CNTNAP5: variants seen among roughly 807,000 people sequenced by gnomAD.
The protein encoded by CNTNAP5 is contactin-associated protein-like 5.
In CNTNAP5, 72 loss-of-function variants were observed where a neutral mutation model predicts 150.2. The observed-to-expected ratio is 0.48, with a 90% CI of 0.40 to 0.58. CNTNAP5 has a LOEUF of 0.58. CNTNAP5 is among the 20% of genes least tolerant of loss of function. The pLI is 0.00. For missense variants in CNTNAP5, 1,636 were observed against 1,626.2 expected (o/e 1.01, Z -0.10); for synonymous variants, 672 against 619.8 (o/e 1.08, Z -1.25).
In CNTNAP5 at chr2:124,739,304, G is replaced by A. The variant is rs183707763; in HGVS notation, c.2078-7925G>A. Among the ~76,000 whole-genome samples, 1,251 of 152,242 alleles carry A rather than the reference G, an allele frequency of 8.2e-3. 12 individuals are homozygous for A. Among genetic ancestry groups the A allele is most frequent in the South Asian group, 0.02 (98 of 4,828 alleles). Reference sequence around the variant, plus strand: ...GATCTTGACCAGCAAGCAGGAAGACGAAGATTGACTTTGATGAGTGCCTGC... The same window carrying A: ...GATCTTGACCAGCAAGCAGGAAGACAAAGATTGACTTTGATGAGTGCCTGC... On this transcript the variant is annotated intron_variant, in intron 13 of 23. Coordinates refer to ENST00000682447, the MANE Select transcript of CNTNAP5 (RefSeq NM_001367498.1).
At chr2:124,879,960 G>T (rs777605921) in intron 21 of CNTNAP5, among the ~76,000 whole-genome samples, 1 of 152,104 alleles carries the variant, frequency 6.6e-6, no homozygotes, top group African/African-American at 2.4e-5. Context: ...CACTGTATTG[G>T]CCAGAAGCTG....
chr2:124,826,681 A>G (rs891960063), intron 19 of CNTNAP5, among the ~76,000 whole-genome samples: 9 of 152,080 alleles, frequency 5.9e-5, no homozygotes, highest in African/African-American at 1.7e-4. Context: ...ACTGGAAGCT[A>G]TGGGGTAGGG....
At chr2:124,261,717 C>A (rs779977) in intron 3 of CNTNAP5, among the ~76,000 whole-genome samples, 50,642 of 152,000 alleles carry the variant, frequency 0.33, 8,819 homozygotes, top group Admixed American at 0.41. Flanking sequence ...GTTACTATTT[C>A]TGCAGTGACA....
At chr2:124,275,173 A>C (rs1040765911) in intron 3 of CNTNAP5, among the ~76,000 whole-genome samples, 4 of 152,124 alleles carry the variant, frequency 2.6e-5, no homozygotes, top group Non-Finnish European at 1.5e-5. Context: ...ATTACCTGAC[A>C]CTGGGTCCCT....
At chr2:124,402,781 A>C (rs941714308) in intron 3 of CNTNAP5, among the ~76,000 whole-genome samples, 1 of 152,196 alleles carries the variant, frequency 6.6e-6, no homozygotes, top group African/African-American at 2.4e-5. Context: ...CCAAATAAGG[A>C]AGAGTGGGGG....
intron 3 of CNTNAP5, among the ~76,000 whole-genome samples, chr2:124,297,606 C>G (rs1194961100): frequency 1.3e-5 from 2 of 151,934 alleles, no homozygotes; most frequent in East Asian, 3.9e-4. Context: ...TAAATCTTAC[C>G]ACACACAGCT....
At chr2:124,272,527 C>A (rs1207722083) in intron 3 of CNTNAP5, among the ~76,000 whole-genome samples, 1 of 152,082 alleles carries the variant, frequency 6.6e-6, no homozygotes, top group African/African-American at 2.4e-5. Flanking sequence ...AACAGAGAGA[C>A]AACATGTTAA....
chr2:124,354,342 G>T (rs2104705436), intron 3 of CNTNAP5, among the ~76,000 whole-genome samples: 1 of 152,204 alleles, frequency 6.6e-6, no homozygotes, highest in Non-Finnish European at 1.5e-5. Flanking sequence ...CTTTAGTAAT[G>T]TCTACTGACA....
rs546430835 is a variant in CNTNAP5 at position 124,453,120 on chromosome 2, TA to T, written c.918+6193del. On this transcript the variant is annotated intron_variant, in intron 6 of 23. Coordinates refer to ENST00000682447, the MANE Select transcript of CNTNAP5 (RefSeq NM_001367498.1). ...AAAGTCAAAGCCCAACATAAGGAAA[TA>T]AAAAAAAAATCATGCAAGAAGTGAA... Among the ~76,000 whole-genome samples, 1,165 of 145,516 alleles carry T rather than the reference TA, an allele frequency of 8.0e-3. 11 individuals are homozygous for T. Among genetic ancestry groups the T allele is most frequent in the Middle Eastern group, 0.025 (7 of 284 alleles).
intron 3 of CNTNAP5, among the ~76,000 whole-genome samples, chr2:124,369,808 CA>C (rs560002649): frequency 1.1e-4 from 17 of 152,168 alleles, no homozygotes; most frequent in African/African-American, 4.1e-4. Flanking sequence ...ATCTATTGTG[CA>C]CATCAAAACC....
chr2:124,895,765 G>A (rs1366308900), intron 21 of CNTNAP5, among the ~76,000 whole-genome samples: 8 of 151,648 alleles, frequency 5.3e-5, no homozygotes, highest in Non-Finnish European at 1.2e-4. Context: ...GTTAGTGGAA[G>A]AATCAGAAGG....
At chr2:124,476,772 T>G (rs149853125) in intron 7 of CNTNAP5, among the ~76,000 whole-genome samples, 1 of 152,132 alleles carries the variant, frequency 6.6e-6, no homozygotes, top group African/African-American at 2.4e-5. Flanking sequence ...GGGGCCATAG[T>G]CTTTTCTATG....
chr2:124,176,287 T>C (rs1685061601), intron 1 of CNTNAP5, among the ~76,000 whole-genome samples: 1 of 152,204 alleles, frequency 6.6e-6, no homozygotes. Flanking sequence ...GGAACATGAA[T>C]TAATTTCTAT....
chr2:124,609,103 T>C (rs2104983290), intron 11 of CNTNAP5, among the ~76,000 whole-genome samples: 1 of 152,284 alleles, frequency 6.6e-6, no homozygotes, highest in East Asian at 1.9e-4. Flanking sequence ...ACGTGACCAC[T>C]ACTCTTACAG....
At chr2:124,439,263 A>G (rs776152584) in intron 5 of CNTNAP5, among the ~76,000 whole-genome samples, 12 of 152,150 alleles carry the variant, frequency 7.9e-5, no homozygotes, top group Non-Finnish European at 1.2e-4. Flanking sequence ...AAATTCTGTC[A>G]TTATGCAATA....
At chr2:124,805,822 CT>C (rs1682069135) in intron 19 of CNTNAP5, among the ~76,000 whole-genome samples, 1 of 152,154 alleles carries the variant, frequency 6.6e-6, no homozygotes, top group South Asian at 2.1e-4. Context: ...TCCCTGTGTG[CT>C]CACATGATCT....
Position 124,525,523 on chromosome 2 carries a change from T to C in CNTNAP5, c.1477+1071T>C, listed in dbSNP as rs79128038. On this transcript the variant is annotated intron_variant, in intron 9 of 23. Coordinates refer to ENST00000682447, the MANE Select transcript of CNTNAP5 (RefSeq NM_001367498.1). The stretch of plus-strand genomic sequence containing the variant: ...ATAAAATTATGCATAGTCTCTTAAA[T>C]AGAATTTACAGATCACTTCTCTCAT... 4.3e-3 allele frequency among the ~76,000 whole-genome samples: 655 copies of C among 152,344 alleles called. 7 individuals are homozygous for C. The highest frequency in any genetic ancestry group is 0.015 in the African/African-American group (633 of 41,574).
At chr2:124,510,348 A>AACACACACACAC (rs3039130) in intron 8 of CNTNAP5, among the ~76,000 whole-genome samples, 5,969 of 68,158 alleles carry the variant, frequency 0.088, 407 homozygotes, top group Middle Eastern at 0.16. Context: ...TCCATATGTC[A>AACACACACACAC]ACACACACAC....
intron 3 of CNTNAP5, among the ~76,000 whole-genome samples, chr2:124,403,201 G>T (rs1034578744): frequency 6.6e-6 from 1 of 152,118 alleles, no homozygotes; most frequent in African/African-American, 2.4e-5. Flanking sequence ...TATGTAGCTC[G>T]AGGTATTAGC....
Sources: gnomAD v4.1 joint callset for allele counts (sites outside exome capture counted in the v4.1 genomes callset) on GRCh38, gnomAD v4.1.1 for gene constraint, MANE v1.5 for transcripts, NCBI Gene and HGNC (gene_info 2026-07-23, HGNC 2026-07-21) for gene names.